COLEC12: variants seen among roughly 807,000 people sequenced by gnomAD.
COLEC12 encodes collectin-12.
Under a neutral mutation model 71.1 loss-of-function variants are expected in COLEC12, and 33 were observed. The ratio of observed to expected loss-of-function variants is 0.46; its 90% CI spans 0.35 to 0.62. COLEC12 has a LOEUF of 0.62. Ranked by LOEUF, COLEC12 falls within the 20% of genes least tolerant of loss-of-function variation. The probability of loss-of-function intolerance (pLI) is 0.00; values close to 1 mark genes in which losing one functional copy is unlikely to be tolerated. For missense variants in COLEC12, 765 were observed against 916.1 expected (o/e 0.84, Z 2.13); for synonymous variants, 350 against 353.0 (o/e 0.99, Z 0.10).
At chr18:332,024 C>G (rs1913995320) in intron 7 of COLEC12, among the ~76,000 whole-genome samples, 1 of 152,190 alleles carries the variant, frequency 6.6e-6, no homozygotes, top group Non-Finnish European at 1.5e-5. Flanking sequence ...CTCTAAATCA[C>G]TCAGACAACC....
chr18:321,389 T>C (rs535765511), intron 9 of COLEC12, among the ~76,000 whole-genome samples: 1 of 152,352 alleles, frequency 6.6e-6, no homozygotes, highest in African/African-American at 2.4e-5. Context: ...ACTCACAATA[T>C]AAGATACTTA....
Position 393,714 on chromosome 18 carries a change from C to G in COLEC12, c.59-36192G>C, listed in dbSNP as rs148535198. Among the ~76,000 whole-genome samples, 453 of 152,304 alleles carry G rather than the reference C, an allele frequency of 3.0e-3. 1 individual carries two copies. The highest frequency in any genetic ancestry group is 0.01 in the African/African-American group (422 of 41,552). ...CCCGTGTGGCCTTTCATCCACACCA[C>G]CAGTGTAGCACTTATCATAATATAT... On this transcript the variant is annotated intron_variant, in intron 2 of 9. Coordinates refer to ENST00000400256, the MANE Select transcript of COLEC12 (RefSeq NM_130386.3).
intron 2 of COLEC12, among the ~76,000 whole-genome samples, chr18:419,468 A>T (rs1916054035): frequency 6.6e-6 from 1 of 152,198 alleles, no homozygotes; most frequent in African/African-American, 2.4e-5. Flanking sequence ...GGCCTCCCAA[A>T]GTGCTGGATT....
intron 9 of COLEC12, 40 bp downstream of exon 9, chr18:321,622 T>A: frequency 1.2e-6 from 2 of 1,612,682 alleles, no homozygotes; most frequent in Non-Finnish European, 1.7e-6. Context: ...TCATAGGACA[T>A]AAGCTGGCAG....
At chr18:423,400 T>C (rs1297296670) in intron 2 of COLEC12, among the ~76,000 whole-genome samples, 4 of 152,246 alleles carry the variant, frequency 2.6e-5, no homozygotes, top group African/African-American at 9.6e-5. Flanking sequence ...AATTAAAATA[T>C]GTATTATTTT....
At chr18:460,635 A>G (rs1916964706) in intron 2 of COLEC12, among the ~76,000 whole-genome samples, 1 of 152,180 alleles carries the variant, frequency 6.6e-6, no homozygotes. Flanking sequence ...CAACCTCAAC[A>G]TTGACCTGCA....
chr18:365,727 A>G (rs1010091170), intron 2 of COLEC12, among the ~76,000 whole-genome samples: 3 of 152,172 alleles, frequency 2.0e-5, no homozygotes, highest in African/African-American at 4.8e-5. Flanking sequence ...CTGGCAAAAA[A>G]TATTTTTTTC....
intron 2 of COLEC12, among the ~76,000 whole-genome samples, chr18:441,230 A>G (rs926061427): frequency 2.6e-4 from 39 of 151,804 alleles, no homozygotes; most frequent in African/African-American, 8.0e-4. Flanking sequence ...CCTGGGCGAC[A>G]GAGCGAGACT....
chr18:377,958 T>G (rs902066643), intron 2 of COLEC12, among the ~76,000 whole-genome samples: 1 of 152,092 alleles, frequency 6.6e-6, no homozygotes, highest in Non-Finnish European at 1.5e-5. Flanking sequence ...CATCTGGACA[T>G]TGAAACAACC....
At position 336,776 on chromosome 18, in the gene COLEC12, A is replaced by G. The variant is rs910288263; in HGVS notation, c.1328-1546T>C. On this transcript the variant is annotated intron_variant, in intron 5 of 9. Coordinates refer to ENST00000400256, the MANE Select transcript of COLEC12 (RefSeq NM_130386.3). ...TCTGATGTTGAAATGAATGAATCTT[A>G]GAGTTTCTGAAATCTCACAATTCTG... Among the ~76,000 whole-genome samples, 23 of 152,168 alleles carry G rather than the reference A, an allele frequency of 1.5e-4. 1 individual carries two copies. Among genetic ancestry groups the G allele is most frequent in the Admixed American group, 3.9e-4 (6 of 15,280 alleles).
At chr18:349,324 C>T (rs367931286) in intron 3 of COLEC12, among the ~76,000 whole-genome samples, 2 of 152,234 alleles carry the variant, frequency 1.3e-5, no homozygotes, top group East Asian at 3.8e-4. Context: ...CAAGCCTTGG[C>T]AGCTTTCATG....
intron 8 of COLEC12, among the ~76,000 whole-genome samples, chr18:324,598 G>A (rs1939874585): frequency 6.6e-6 from 1 of 152,172 alleles, no homozygotes; most frequent in Non-Finnish European, 1.5e-5. Context: ...GGAGGCCGAG[G>A]TGGGTGGATC....
At chr18:443,137 A>T (rs2143698954) in intron 2 of COLEC12, among the ~76,000 whole-genome samples, 1 of 152,274 alleles carries the variant, frequency 6.6e-6, no homozygotes, top group East Asian at 1.9e-4. Context: ...TATATGGTAC[A>T]TGAAAAATAC....
intron 2 of COLEC12, among the ~76,000 whole-genome samples, chr18:401,556 T>C (rs954282442): frequency 1.6e-4 from 25 of 152,242 alleles, no homozygotes; most frequent in Non-Finnish European, 8.8e-5. Flanking sequence ...ACCAAGGACT[T>C]GTCCTTAGTG....
At chr18:471,626 T>A (rs1029363905) in intron 2 of COLEC12, among the ~76,000 whole-genome samples, 11 of 151,160 alleles carry the variant, frequency 7.3e-5, no homozygotes, top group Admixed American at 2.0e-4. Flanking sequence ...GTGAAACAAA[T>A]TATAAATAAT....
intron 2 of COLEC12, among the ~76,000 whole-genome samples, chr18:364,406 A>T (rs1914813242): frequency 6.6e-6 from 1 of 152,166 alleles, no homozygotes; most frequent in Non-Finnish European, 1.5e-5. Flanking sequence ...TTCCAAGGAG[A>T]GGAATCCTTG....
chr18:488,521 A>G (rs997184225), intron 1 of COLEC12, among the ~76,000 whole-genome samples: 1 of 152,218 alleles, frequency 6.6e-6, no homozygotes, highest in Non-Finnish European at 1.5e-5. Context: ...AGTAGAATAA[A>G]GGCATATAAA....
At chr18:454,156 C>CCCT (rs35239755) in intron 2 of COLEC12, among the ~76,000 whole-genome samples, 67,631 of 151,696 alleles carry the variant, frequency 0.45, 15,250 homozygotes, top group East Asian at 0.66. Flanking sequence ...CATATTCTAG[C>CCCT]CCTATTTCTT....
intron 2 of COLEC12, among the ~76,000 whole-genome samples, chr18:462,839 C>A (rs1917009216): frequency 6.6e-6 from 1 of 152,188 alleles, no homozygotes; most frequent in Non-Finnish European, 1.5e-5. Flanking sequence ...TCTACCAAGA[C>A]AGACAATTGT....
Sources: gnomAD v4.1 joint callset for allele counts (sites outside exome capture counted in the v4.1 genomes callset) on GRCh38, gnomAD v4.1.1 for gene constraint, MANE v1.5 for transcripts, NCBI Gene and HGNC (gene_info 2026-07-23, HGNC 2026-07-21) for gene names.